LINGO2: variants seen among roughly 807,000 people sequenced by gnomAD.
The protein encoded by LINGO2 is leucine rich repeat and Ig domain containing 2.
Under a neutral mutation model 30.6 loss-of-function variants are expected in LINGO2, and 14 were observed. The observed-to-expected ratio is 0.46, with a 90% CI of 0.30 to 0.72. The LOEUF is 0.72. Ranked by LOEUF, LINGO2 falls within the 30% of genes least tolerant of loss-of-function variation. The pLI is 0.07. For missense variants in LINGO2, 729 were observed against 751.7 expected, an observed-to-expected ratio of 0.97 and a Z score of 0.35; for synonymous variants, 317 against 288.5, an observed-to-expected ratio of 1.10 and a Z score of -1.00.
chr9:28,394,807 A>G (rs528106436), intron 2 of LINGO2, among the ~76,000 whole-genome samples: 2 of 152,362 alleles, frequency 1.3e-5, no homozygotes, highest in South Asian at 2.1e-4. Flanking sequence ...TCATTTTCCA[A>G]TTGAACACAG....
chr9:28,682,115 A>G, the LINGO2 span, among the ~76,000 whole-genome samples: 8 of 152,146 alleles, frequency 5.3e-5, no homozygotes, highest in Non-Finnish European at 5.9e-5. Flanking sequence ...ATTTCTATTC[A>G]GTGCTTTCCT....
chr9:29,106,087 C>A, the LINGO2 span, among the ~76,000 whole-genome samples: 1 of 152,216 alleles, frequency 6.6e-6, no homozygotes, highest in Middle Eastern at 3.4e-3. Flanking sequence ...CATCTCATTT[C>A]TTTGGCAATT....
At chr9:28,095,993 T>A (rs1826232634) in intron 4 of LINGO2, among the ~76,000 whole-genome samples, 1 of 152,052 alleles carries the variant, frequency 6.6e-6, no homozygotes, top group African/African-American at 2.4e-5. Flanking sequence ...ATTAAGACAT[T>A]ATCCAGGCAT....
At chr9:28,226,697 A>AAGAAAG (rs201476924) in intron 4 of LINGO2, among the ~76,000 whole-genome samples, 1,488 of 59,010 alleles carry the variant, frequency 0.025, 29 homozygotes, top group African/African-American at 0.056. Context: ...GAAAGAAAGA[A>AAGAAAG]AGAAAGAGAA....
chr9:28,759,880 A>C, the LINGO2 span, among the ~76,000 whole-genome samples: 2 of 151,966 alleles, frequency 1.3e-5, no homozygotes, highest in African/African-American at 4.8e-5. Context: ...AGAAGAGGGT[A>C]AAACATGGGT....
intron 4 of LINGO2, among the ~76,000 whole-genome samples, chr9:28,142,186 G>A (rs1343991235): frequency 7.1e-6 from 1 of 141,496 alleles, no homozygotes; most frequent in Non-Finnish European, 1.5e-5. Context: ...TGGCAAGTAA[G>A]TTAAATACTA....
chr9:28,074,591 C>T (rs10511821), intron 4 of LINGO2, among the ~76,000 whole-genome samples: 4,373 of 152,210 alleles, frequency 0.029, 118 homozygotes, highest in Admixed American at 0.081. Context: ...TAGAGACTTA[C>T]TGCAGAAAAA....
chr9:28,914,270 C>T, the LINGO2 span, among the ~76,000 whole-genome samples: 10 of 152,220 alleles, frequency 6.6e-5, no homozygotes, highest in South Asian at 2.1e-3. Context: ...AGAATAAACA[C>T]TTTAGACAGC....
the LINGO2 span, among the ~76,000 whole-genome samples, chr9:28,878,860 T>C: frequency 1.3e-5 from 2 of 152,126 alleles, no homozygotes; most frequent in Non-Finnish European, 2.9e-5. Context: ...GGGCTATCTA[T>C]GACAAACCCA....
intron 4 of LINGO2, among the ~76,000 whole-genome samples, chr9:28,100,988 T>G (rs1291374943): frequency 6.6e-6 from 1 of 151,962 alleles, no homozygotes; most frequent in Non-Finnish European, 1.5e-5. Context: ...AAGGGTAGAG[T>G]TGAGAGGAAG....
chr9:28,578,307 T>TCC (rs955293909), intron 1 of LINGO2, among the ~76,000 whole-genome samples: 5 of 152,110 alleles, frequency 3.3e-5, no homozygotes, highest in African/African-American at 1.2e-4. Flanking sequence ...GGGTGGCAGA[T>TCC]CCAGATTCAG....
At chr9:29,166,656 C>T in the LINGO2 span, among the ~76,000 whole-genome samples, 2 of 152,084 alleles carry the variant, frequency 1.3e-5, no homozygotes, top group Non-Finnish European at 2.9e-5. Flanking sequence ...CTAATTTATA[C>T]TGCAATCTGG....
chr9:28,827,890 AG>A, the LINGO2 span, among the ~76,000 whole-genome samples: 1 of 152,134 alleles, frequency 6.6e-6, no homozygotes, highest in African/African-American at 2.4e-5. Context: ...CCTACTTAAA[AG>A]TCAATGCAGA....
intron 3 of LINGO2, among the ~76,000 whole-genome samples, chr9:28,342,380 C>T (rs747967833): frequency 6.6e-6 from 1 of 152,126 alleles, no homozygotes; most frequent in Non-Finnish European, 1.5e-5. Flanking sequence ...AACTTTATCG[C>T]TACGTGTCAT....
the LINGO2 span, among the ~76,000 whole-genome samples, chr9:28,755,664 TGTTAAACTACA>T: frequency 3.3e-5 from 5 of 152,134 alleles, no homozygotes; most frequent in Admixed American, 1.3e-4. Context: ...CCGAGTGAGT[TGTTAAACTACA>T]GTCTCTCCTG....
At chr9:28,641,273 T>A (rs968220031) in intron 1 of LINGO2, among the ~76,000 whole-genome samples, 2 of 152,064 alleles carry the variant, frequency 1.3e-5, no homozygotes, top group African/African-American at 4.8e-5. Context: ...CCTGACCTCA[T>A]GATCTGCTTG....
At chr9:28,736,215 C>A in the LINGO2 span, among the ~76,000 whole-genome samples, 2 of 152,148 alleles carry the variant, frequency 1.3e-5, no homozygotes, top group Non-Finnish European at 2.9e-5. Context: ...CTGAGGAAAG[C>A]AGACCATGAG....
At chr9:28,655,429 G>T (rs757061439) in intron 1 of LINGO2, among the ~76,000 whole-genome samples, 1 of 152,008 alleles carries the variant, frequency 6.6e-6, no homozygotes, top group Admixed American at 6.6e-5. Context: ...TAAGACTTTC[G>T]AGTTGGACTT....
chr9:29,109,105 T>C, the LINGO2 span, among the ~76,000 whole-genome samples: 2 of 151,408 alleles, frequency 1.3e-5, no homozygotes, highest in South Asian at 2.1e-4. Context: ...TGAGTTTACA[T>C]ATAAGCTTTT....
Sources: gnomAD v4.1 joint callset for allele counts (sites outside exome capture counted in the v4.1 genomes callset) on GRCh38, gnomAD v4.1.1 for gene constraint, MANE v1.5 for transcripts, NCBI Gene and HGNC (gene_info 2026-07-23, HGNC 2026-07-21) for gene names.